Variants in GPATCH2 observed in about 807,000 individuals in gnomAD.
GPATCH2 encodes G-patch domain containing 2.
A neutral mutation model predicts 58.0 loss-of-function variants in GPATCH2; 51 were observed. The ratio of observed to expected loss-of-function variants is 0.88; its 90% CI spans 0.70 to 1.11. GPATCH2 has a LOEUF of 1.11. GPATCH2 is among the 50% of genes most tolerant of loss of function. GPATCH2 has a pLI of 0.00. For missense variants in GPATCH2, 625 were observed against 652.2 expected (o/e 0.96, Z 0.45); for synonymous variants, 222 against 218.5 (o/e 1.02, Z -0.14).
chr1:217,427,255 C>A lies in GPATCH2; in HGVS notation c.*3890G>T, dbSNP rs1043026261. Reference sequence around the variant, plus strand: ...GAGACCTTAAGCAAGTTAGTCTAATCAAGCTTCACAGAAACAATAAAAACA... The same window carrying A: ...GAGACCTTAAGCAAGTTAGTCTAATAAAGCTTCACAGAAACAATAAAAACA... On this transcript the variant is annotated 3_prime_UTR_variant, in exon 10 of 10. Coordinates refer to ENST00000366935, the MANE Select transcript of GPATCH2 (RefSeq NM_018040.5). 1.3e-5 allele frequency: 2 copies of A among 152,080 alleles called. No individual in the cohort carries two copies. Among genetic ancestry groups the A allele is most frequent in the African/African-American group, 4.8e-5 (2 of 41,426 alleles). 9.4% of individuals were successfully genotyped at this position (152,080 alleles called of 1,614,324 possible). A position where few individuals can be genotyped will look rare whatever the true frequency, so the allele number is the denominator to read the frequency against.
intron 6 of GPATCH2, among the ~76,000 whole-genome samples, chr1:217,501,849 T>C (rs1662321582): frequency 6.6e-6 from 1 of 152,140 alleles, no homozygotes; most frequent in African/African-American, 2.4e-5. Flanking sequence ...ATATTCTAGA[T>C]ACTAGTCTTT....
At chr1:217,610,489 G>T in intron 4 of GPATCH2, 89 bp from the exon 5 acceptor site, 1 of 792,508 alleles carries the variant, frequency 1.3e-6, no homozygotes, top group South Asian at 1.6e-5. Flanking sequence ...AGAAAGAAAA[G>T]TAAGTTGGTG....
At chr1:217,460,067 C>T (rs1159186199) in intron 8 of GPATCH2, among the ~76,000 whole-genome samples, 1 of 152,126 alleles carries the variant, frequency 6.6e-6, no homozygotes. Flanking sequence ...AATTTATTAT[C>T]TGAACTACTA....
chr1:217,441,308 G>A (rs1659127836), intron 9 of GPATCH2, among the ~76,000 whole-genome samples: 1 of 152,000 alleles, frequency 6.6e-6, no homozygotes, highest in Non-Finnish European at 1.5e-5. Flanking sequence ...GCCATATGCA[G>A]AAAACTGAAA....
Position 217,620,204 on chromosome 1 carries a change from C to T in GPATCH2, c.352G>A (p.Asp118Asn), listed in dbSNP as rs1669116883. 1 of 1,614,052 alleles carries T rather than the reference C, an allele frequency of 6.2e-7. No homozygotes were observed. The highest frequency in any genetic ancestry group is 1.3e-5 in the African/African-American group (1 of 75,036). Residue 118 changes from aspartate to asparagine, a missense_variant, in exon 2 of 10, where the codon GAT becomes AAT. Transcript: ENST00000366935. ...CGCTTTGCTACTAACATTTGGTCAT[C>T]AGAGTCACTGTGATCTTTTTTATTA... ...NNNKKDHSDS[D>N]DQMLVAKRRP...
chr1:217,456,159 G>C (rs529822099), intron 8 of GPATCH2, among the ~76,000 whole-genome samples: 2 of 152,284 alleles, frequency 1.3e-5, no homozygotes, highest in South Asian at 4.1e-4. Context: ...AGAGGGCACT[G>C]AGCTGGTTAA....
At chr1:217,489,049 T>A (rs1029888358) in intron 8 of GPATCH2, among the ~76,000 whole-genome samples, 2 of 151,826 alleles carry the variant, frequency 1.3e-5, no homozygotes, top group Non-Finnish European at 2.9e-5. Flanking sequence ...ATTGTCTAAT[T>A]TTATGCTTTC....
At chr1:217,452,425 C>T (rs1031931972) in intron 8 of GPATCH2, among the ~76,000 whole-genome samples, 1 of 152,098 alleles carries the variant, frequency 6.6e-6, no homozygotes, top group Non-Finnish European at 1.5e-5. Flanking sequence ...TAGAAATAAT[C>T]AGAAGAAATA....
chr1:217,500,537 G>A (rs140492728), intron 6 of GPATCH2, among the ~76,000 whole-genome samples: 108 of 151,930 alleles, frequency 7.1e-4, no homozygotes, highest in African/African-American at 2.5e-3. Context: ...ATTTTTTCCC[G>A]CTTGTTTGTT....
chr1:217,625,197 T>C (rs897723152), intron 1 of GPATCH2, among the ~76,000 whole-genome samples: 3 of 152,214 alleles, frequency 2.0e-5, no homozygotes, highest in Admixed American at 6.5e-5. Context: ...TCCTGATCTA[T>C]TCTAATAAAT....
chr1:217,575,614 TAC>T (rs1225730725), intron 5 of GPATCH2, among the ~76,000 whole-genome samples: 1 of 152,140 alleles, frequency 6.6e-6, no homozygotes, highest in Non-Finnish European at 1.5e-5. Flanking sequence ...TAAATGGCAG[TAC>T]CAGAAACCTA....
intron 5 of GPATCH2, among the ~76,000 whole-genome samples, chr1:217,552,935 T>C (rs1010435939): frequency 2.0e-5 from 3 of 152,190 alleles, no homozygotes; most frequent in African/African-American, 7.2e-5. Flanking sequence ...GTCTTACCTT[T>C]TAATCATCTC....
chr1:217,512,034 CATT>C (rs898179560), intron 6 of GPATCH2, among the ~76,000 whole-genome samples: 1 of 152,090 alleles, frequency 6.6e-6, no homozygotes. Context: ...ACCTATAAAA[CATT>C]ATCAAGGCCA....
Position 217,584,342 on chromosome 1 carries a change from AAAATATAT to A in GPATCH2, c.1098+25971_1098+25978del, listed in dbSNP as rs1196653112. Among the ~76,000 whole-genome samples, 34 of 82,568 alleles carry A rather than the reference AAAATATAT, an allele frequency of 4.1e-4. 1 individual carries two copies. The highest frequency in any genetic ancestry group is 1.0e-3 in the African/African-American group (27 of 26,626). The allele number at this position is 82,568 out of a possible 152,430, so 54.2% of individuals were successfully genotyped here. On this transcript the variant is annotated intron_variant, in intron 5 of 9. Coordinates refer to ENST00000366935, the MANE Select transcript of GPATCH2 (RefSeq NM_018040.5). ...ACCTCACCTCTACTAAAAAAAAAAA[AAAATATAT>A]ATATATATATATATACACACACACA...
intron 5 of GPATCH2, among the ~76,000 whole-genome samples, chr1:217,526,340 G>C (rs1243494695): frequency 1.3e-5 from 2 of 151,950 alleles, no homozygotes. Context: ...TCAATCTTAC[G>C]TGATGCAGTT....
At chr1:217,568,696 C>A (rs1277026324) in intron 5 of GPATCH2, among the ~76,000 whole-genome samples, 1 of 152,160 alleles carries the variant, frequency 6.6e-6, no homozygotes, top group Non-Finnish European at 1.5e-5. Flanking sequence ...GAAGTAGAAA[C>A]TCAGAAAGAT....
Position 217,610,992 on chromosome 1 carries a change from C to G in GPATCH2, c.915G>C (p.Trp305Cys). The G allele has an allele frequency of 6.2e-7, 1 of 1,613,256 alleles. No individual in the cohort carries two copies. Among genetic ancestry groups the G allele is most frequent in the African/African-American group, 1.3e-5 (1 of 74,932 alleles). The change falls in exon 4 of 10, where the codon TGG (tryptophan) becomes TGC (cysteine). Residue 305 changes from tryptophan to cysteine, a missense_variant. Trp to Cys is a radical substitution (Grantham distance 215). Transcript: ENST00000366935. Reference sequence around the variant, plus strand: ...CTAGCTCAGTAGGATCTTCCTTTTCCCACCAGGGCACAACTCCAGTGATAC... The same window carrying G: ...CTAGCTCAGTAGGATCTTCCTTTTCGCACCAGGGCACAACTCCAGTGATAC... ...ACGITGVVPW[W>C]EKEDPTELDK...
chr1:217,476,176 A>G (rs953398470), intron 8 of GPATCH2, among the ~76,000 whole-genome samples: 1 of 152,168 alleles, frequency 6.6e-6, no homozygotes, highest in African/African-American at 2.4e-5. Flanking sequence ...AATCATATTA[A>G]TGAAAACAAT....
At chr1:217,514,790 A>T (rs1663040873) in intron 6 of GPATCH2, 32 bp downstream of exon 6, 1 of 990,836 alleles carries the variant, frequency 1.0e-6, no homozygotes, top group South Asian at 1.3e-5. Flanking sequence ...AGAATACTCC[A>T]ATAAGGTTAT....
Sources: allele counts gnomAD v4.1 joint callset (sites outside exome capture counted in the v4.1 genomes callset), GRCh38; gene constraint gnomAD v4.1.1; transcripts MANE v1.5; gene names NCBI Gene and HGNC (gene_info 2026-07-23, HGNC 2026-07-21).